The following LRRC4C variants were observed in gnomAD, a reference collection of about 807,000 sequenced individuals.
The protein encoded by LRRC4C is leucine-rich repeat-containing protein 4C.
LRRC4C carries 5 observed loss-of-function variants against 33.6 expected under a neutral mutation model. The observed-to-expected ratio is 0.15, with a 90% CI of 0.08 to 0.31. LRRC4C has a LOEUF of 0.31. Among genes scored for constraint, LRRC4C ranks in the 10% least tolerant of loss-of-function variants. The pLI is 1.00. For missense variants in LRRC4C, 560 were observed against 796.7 expected (o/e 0.70, Z 3.58); for synonymous variants, 329 against 302.0 (o/e 1.09, Z -0.93).
intron 1 of LRRC4C, among the ~76,000 whole-genome samples, chr11:40,948,216 A>G (rs1958500615): frequency 6.6e-6 from 1 of 152,106 alleles, no homozygotes; most frequent in Non-Finnish European, 1.5e-5. Context: ...TTCAAGCTTC[A>G]TATTTTTGGA....
intron 2 of LRRC4C, among the ~76,000 whole-genome samples, chr11:40,712,850 G>A (rs146410147): frequency 2.6e-4 from 40 of 151,646 alleles, no homozygotes; most frequent in Admixed American, 2.2e-3. Flanking sequence ...TCAATAGATC[G>A]TTTGTTATTT....
intron 3 of LRRC4C, among the ~76,000 whole-genome samples, chr11:40,514,962 A>G (rs1467393527): frequency 6.6e-6 from 1 of 152,128 alleles, no homozygotes; most frequent in Admixed American, 6.6e-5. Context: ...AAAACTTGAT[A>G]CTAAACTAAA....
At chr11:40,334,257 C>A (rs1331045266) in intron 3 of LRRC4C, among the ~76,000 whole-genome samples, 2 of 151,818 alleles carry the variant, frequency 1.3e-5, no homozygotes, top group Non-Finnish European at 2.9e-5. Flanking sequence ...TTACTGGGAA[C>A]ATTTGCTTAG....
At chr11:41,422,688 TGC>T (rs1381960353) in intron 1 of LRRC4C, among the ~76,000 whole-genome samples, 1 of 152,060 alleles carries the variant, frequency 6.6e-6, no homozygotes, top group Non-Finnish European at 1.5e-5. Flanking sequence ...TTCTGTTAGT[TGC>T]ATCTAAAACA....
intron 3 of LRRC4C, among the ~76,000 whole-genome samples, chr11:40,438,993 T>G (rs1397350413): frequency 1.6e-4 from 24 of 148,286 alleles, no homozygotes; most frequent in Non-Finnish European, 6.0e-5. Flanking sequence ...TGCAGTGGCA[T>G]GATCTCGGTT....
chr11:40,931,227 G>C (rs1308269054), intron 2 of LRRC4C, among the ~76,000 whole-genome samples: 1 of 152,106 alleles, frequency 6.6e-6, no homozygotes, highest in Non-Finnish European at 1.5e-5. Context: ...GGGAAATGTG[G>C]AATAATTATT....
chr11:41,197,092 T>C (rs1160640151), intron 1 of LRRC4C, among the ~76,000 whole-genome samples: 1 of 152,080 alleles, frequency 6.6e-6, no homozygotes, highest in African/African-American at 2.4e-5. Context: ...AGTACCACTT[T>C]GCTAAGACAG....
At chr11:41,455,435 A>G (rs1288161369) in intron 1 of LRRC4C, among the ~76,000 whole-genome samples, 1 of 152,170 alleles carries the variant, frequency 6.6e-6, no homozygotes, top group Non-Finnish European at 1.5e-5. Flanking sequence ...TAATTTATGC[A>G]TGTATGCATG....
At chr11:40,557,252 T>C (rs1420493233) in intron 3 of LRRC4C, among the ~76,000 whole-genome samples, 2 of 152,080 alleles carry the variant, frequency 1.3e-5, no homozygotes, top group Admixed American at 6.6e-5. Flanking sequence ...AAAAGTGCAG[T>C]GGAACTAACA....
chr11:41,313,075 C>T (rs1294725036), intron 1 of LRRC4C, among the ~76,000 whole-genome samples: 1 of 152,142 alleles, frequency 6.6e-6, no homozygotes, highest in African/African-American at 2.4e-5. Context: ...GCCTTTGGGG[C>T]TCTGGATAAG....
At chr11:40,968,046 G>T (rs940750894) in intron 1 of LRRC4C, among the ~76,000 whole-genome samples, 1 of 152,042 alleles carries the variant, frequency 6.6e-6, no homozygotes, top group Non-Finnish European at 1.5e-5. Flanking sequence ...AGTTAGTCAA[G>T]TGGTGAACTC....
At chr11:40,188,980 G>A (rs1197218664) in intron 5 of LRRC4C, among the ~76,000 whole-genome samples, 1 of 152,168 alleles carries the variant, frequency 6.6e-6, no homozygotes, top group Non-Finnish European at 1.5e-5. Flanking sequence ...AAGTGTTCTA[G>A]CATTAGGGAA....
At chr11:40,282,981 C>A (rs1025585333) in intron 4 of LRRC4C, among the ~76,000 whole-genome samples, 1 of 152,180 alleles carries the variant, frequency 6.6e-6, no homozygotes, top group Non-Finnish European at 1.5e-5. Flanking sequence ...ATGGACATTA[C>A]TCAAACTTAA....
chr11:41,452,147 G>A lies in LRRC4C; in HGVS notation c.-496+7284C>T, dbSNP rs771061343. On this transcript the variant is annotated intron_variant, in intron 1 of 6. Transcript: ENST00000528697. Reference sequence around the variant, plus strand: ...CATTTGGAGTATCTACTGGGGTCAAGGTATATATGGTCACAGGTTTTAATT... The same window carrying A: ...CATTTGGAGTATCTACTGGGGTCAAAGTATATATGGTCACAGGTTTTAATT... Among the ~76,000 whole-genome samples, 58 of 151,996 alleles carry A rather than the reference G, an allele frequency of 3.8e-4. 1 individual carries two copies. The highest frequency in any genetic ancestry group is 7.2e-4 in the Non-Finnish European group (49 of 67,972).
chr11:40,253,338 T>C (rs1249482118), intron 4 of LRRC4C, among the ~76,000 whole-genome samples: 1 of 152,210 alleles, frequency 6.6e-6, no homozygotes, highest in Non-Finnish European at 1.5e-5. Context: ...GCTTGTTTGT[T>C]TGTTTACTTG....
chr11:41,049,079 G>T (rs1858012690), intron 1 of LRRC4C, among the ~76,000 whole-genome samples: 1 of 152,182 alleles, frequency 6.6e-6, no homozygotes, highest in Non-Finnish European at 1.5e-5. Flanking sequence ...AAATAAATCT[G>T]ATATGGTTTG....
At chr11:40,571,504 A>C (rs1957982987) in intron 3 of LRRC4C, among the ~76,000 whole-genome samples, 1 of 152,154 alleles carries the variant, frequency 6.6e-6, no homozygotes, top group Non-Finnish European at 1.5e-5. Flanking sequence ...ATAAGGCTGG[A>C]CAATTCAAGT....
chr11:40,641,836 G>A (rs143034426), intron 3 of LRRC4C, among the ~76,000 whole-genome samples: 6 of 152,242 alleles, frequency 3.9e-5, no homozygotes, highest in East Asian at 1.9e-4. Context: ...CTGTCAAGGC[G>A]TTTTTATATT....
At chr11:40,397,415 A>T (rs959951596) in intron 3 of LRRC4C, among the ~76,000 whole-genome samples, 8 of 152,146 alleles carry the variant, frequency 5.3e-5, no homozygotes, top group Non-Finnish European at 8.8e-5. Flanking sequence ...TCTACTGTAA[A>T]AAGAAAAAAA....
Sources: allele counts gnomAD v4.1 joint callset (sites outside exome capture counted in the v4.1 genomes callset), GRCh38; gene constraint gnomAD v4.1.1; transcripts MANE v1.5; gene names NCBI Gene and HGNC (gene_info 2026-07-23, HGNC 2026-07-21).